The following GSR variants were observed in gnomAD, a reference collection of about 807,000 sequenced individuals.
GSR encodes the protein glutathione-disulfide reductase, also known as glutathione reductase, mitochondrial.
Under a neutral mutation model 56.5 loss-of-function variants are expected in GSR, and 48 were observed. The ratio of observed to expected loss-of-function variants is 0.85; its 90% CI spans 0.67 to 1.08. GSR has a LOEUF of 1.08. GSR is among the 50% of genes least tolerant of loss of function. The pLI, the probability that GSR is intolerant of heterozygous loss-of-function variation, is 0.00. For synonymous variants in GSR, 264 were observed against 270.8 expected, an observed-to-expected ratio of 0.97 and a Z score of 0.25; for missense variants, 694 against 703.3, an observed-to-expected ratio of 0.99 and a Z score of 0.15.
chr8:30,708,179 C>T (rs770504287), intron 3 of GSR, 38 bp from the exon 4 acceptor site: 3 of 1,439,822 alleles, frequency 2.1e-6, no homozygotes, highest in Non-Finnish European at 2.9e-6. Flanking sequence ...GAAACAGGAT[C>T]TTCCCCTTCT....
At chr8:30,686,262 C>T (rs1486083240) in intron 9 of GSR, among the ~76,000 whole-genome samples, 2 of 151,484 alleles carry the variant, frequency 1.3e-5, no homozygotes, top group Non-Finnish European at 2.9e-5. Flanking sequence ...CGGTTGTTGG[C>T]AAGATTAAAT....
chr8:30,696,693 G>T (rs895608368), intron 6 of GSR, among the ~76,000 whole-genome samples: 1 of 152,084 alleles, frequency 6.6e-6, no homozygotes, highest in African/African-American at 2.4e-5. Context: ...CTAGACTGCA[G>T]ATTTTCACTT....
At chr8:30,708,216 G>C in intron 3 of GSR, 75 bp from the exon 4 acceptor site, 1 of 1,028,116 alleles carries the variant, frequency 9.7e-7, no homozygotes, top group Non-Finnish European at 1.5e-6. Context: ...ATCTGTCCCT[G>C]AACACCCCGA....
chr8:30,718,920 G>GT (rs34676475), intron 1 of GSR, among the ~76,000 whole-genome samples: 35 of 148,922 alleles, frequency 2.4e-4, no homozygotes, highest in African/African-American at 7.6e-4. Context: ...AAGGTGTTTT[G>GT]TTTTTTTTTT....
intron 1 of GSR, among the ~76,000 whole-genome samples, chr8:30,724,543 C>A (rs933371972): frequency 2.4e-5 from 1 of 41,402 alleles, no homozygotes; most frequent in African/African-American, 7.5e-5. Flanking sequence ...CAACCCCCCA[C>A]CTTTTTTTTT....
At chr8:30,693,194 G>A (rs905159054) in intron 7 of GSR, 139 bp from the exon 8 acceptor site, 1 of 694,376 alleles carries the variant, frequency 1.4e-6, no homozygotes, top group South Asian at 1.5e-5. Flanking sequence ...TGGGAGTGGA[G>A]TATTAATAAA....
intron 1 of GSR, among the ~76,000 whole-genome samples, chr8:30,722,019 A>G (rs1249476747): frequency 2.0e-5 from 3 of 152,108 alleles, no homozygotes; most frequent in African/African-American, 7.2e-5. Flanking sequence ...GTCTCAAAAA[A>G]AAAAAAAAGC....
At position 30,708,114 on chromosome 8, in the gene GSR, A is replaced by G. The variant is rs1803978560; in HGVS notation, c.450T>C (p.Tyr150=). 5.6e-6 allele frequency: 9 copies of G among 1,613,514 alleles called. No individual in the cohort carries two copies. The highest frequency in any genetic ancestry group is 5.9e-6 in the Non-Finnish European group (7 of 1,179,402). The change falls in exon 4 of 13, where the codon TAT becomes TAC. Residue 150 remains tyrosine, a synonymous_variant. Transcript: ENST00000221130. ...GATAGATGGCATTCAGGCGGCTCAC[A>G]TAGGCATCCCGCTTTTCCTTAATAA... ...WRVIKEKRDA[Y]VSRLNAIYQN... is the part of the protein sequence containing the mutation.
intron 4 of GSR, 77 bp downstream of exon 4, chr8:30,707,994 CT>C: frequency 2.2e-6 from 2 of 890,584 alleles, no homozygotes; most frequent in Non-Finnish European, 3.8e-6. Context: ...ATAAATAGGG[CT>C]ACAGTCTGGC....
At chr8:30,720,384 C>T (rs180863488) in intron 1 of GSR, among the ~76,000 whole-genome samples, 21 of 152,288 alleles carry the variant, frequency 1.4e-4, no homozygotes, top group Admixed American at 1.2e-3. Flanking sequence ...AAAACACTAT[C>T]GATTTATCAA....
chr8:30,711,897 A>C (rs1281323552), intron 2 of GSR, among the ~76,000 whole-genome samples, 165 bp downstream of exon 2: 1 of 151,960 alleles, frequency 6.6e-6, no homozygotes, highest in Non-Finnish European at 1.5e-5. Context: ...TAAAAAACAC[A>C]AATCAAACAA....
chr8:30,680,903 C>A lies in GSR; in HGVS notation c.1419+1G>T. 6.2e-7 allele frequency: 1 copy of A among 1,613,394 alleles called. No individual in the cohort carries two copies. The highest frequency in any genetic ancestry group is 8.5e-7 in the Non-Finnish European group (1 of 1,179,796). On this transcript the variant is annotated splice_donor_variant, in intron 12 of 12. Coordinates refer to ENST00000221130, the MANE Select transcript of GSR (RefSeq NM_000637.5). LOFTEE classifies it high-confidence loss of function. ...ATTTAGTTTGCTGGATTTTTCCTTA[C>A]CTTTTCTTCCTTGTTAGCACAGACC...
chr8:30,685,966 AC>A (rs1218090748), intron 9 of GSR, among the ~76,000 whole-genome samples: 1 of 146,764 alleles, frequency 6.8e-6, no homozygotes, highest in African/African-American at 2.6e-5. Context: ...AGCCTGGGCA[AC>A]AGAAAGAGAC....
At chr8:30,705,925 C>T (rs2978665) in intron 4 of GSR, among the ~76,000 whole-genome samples, 81,410 of 151,860 alleles carry the variant, frequency 0.54, 23,844 homozygotes, top group South Asian at 0.68. Context: ...TAAAACTGTA[C>T]ACAGTTAGCT....
Position 30,712,310 on chromosome 8 carries a change from G to A in GSR, c.307-222C>T, listed in dbSNP as rs2978662. On this transcript the variant is annotated intron_variant, in intron 1 of 12. Coordinates refer to ENST00000221130, the MANE Select transcript of GSR (RefSeq NM_000637.5). ...TCATTCATCAGCATTTTTCTTGGAC[G>A]GAGAAAGAACAATCAGCCCATTTGA... Among the ~76,000 whole-genome samples, 101,033 of 152,038 alleles carry A rather than the reference G, an allele frequency of 0.66. 36,939 individuals carry two copies. The highest frequency in any genetic ancestry group is 0.83 in the East Asian group (4,271 of 5,176).
chr8:30,726,165 G>A (rs1804716792), intron 1 of GSR, among the ~76,000 whole-genome samples: 1 of 152,122 alleles, frequency 6.6e-6, no homozygotes, highest in South Asian at 2.1e-4. Flanking sequence ...TCATCTCCAT[G>A]TTCATCTCCA....
intron 7 of GSR, among the ~76,000 whole-genome samples, chr8:30,695,724 T>C (rs1803522850): frequency 6.6e-6 from 1 of 152,144 alleles, no homozygotes; most frequent in Non-Finnish European, 1.5e-5. Flanking sequence ...CTTGATCATA[T>C]AAAATTGATT....
In GSR at chr8:30,692,489, C is replaced by A. The variant is rs1346046564; in HGVS notation, c.882+480G>T. Among the ~76,000 whole-genome samples the A allele has an allele frequency of 2.0e-4, 29 of 141,970 alleles. 2 individuals carry two copies. The highest frequency in any genetic ancestry group is 1.9e-3 in the Admixed American group (25 of 13,282). 93.1% of individuals were successfully genotyped at this position (141,970 alleles called of 152,430 possible). A position where few individuals can be genotyped will look rare whatever the true frequency, so the allele number is the denominator to read the frequency against. ...GGGATAACAGGTGTGAGCCACCACACCCAGACTTTTTTTTTTTTTTTTTTT... is the reference window on the plus strand; with the variant it reads ...GGGATAACAGGTGTGAGCCACCACAACCAGACTTTTTTTTTTTTTTTTTTT... On this transcript the variant is annotated intron_variant, in intron 8 of 12. Coordinates refer to ENST00000221130, the MANE Select transcript of GSR (RefSeq NM_000637.5).
At chr8:30,726,546 T>C (rs1804730419) in intron 1 of GSR, among the ~76,000 whole-genome samples, 3 of 151,996 alleles carry the variant, frequency 2.0e-5, no homozygotes, top group African/African-American at 7.2e-5. Flanking sequence ...ATCGGTTGAG[T>C]CCAAGAGGTT....
Sources: allele counts gnomAD v4.1 joint callset (sites outside exome capture counted in the v4.1 genomes callset), GRCh38; gene constraint gnomAD v4.1.1; transcripts MANE v1.5; gene names NCBI Gene and HGNC (gene_info 2026-07-23, HGNC 2026-07-21).